PANK1: variants seen among roughly 807,000 people sequenced by gnomAD.
PANK1 encodes the protein pantothenate kinase 1.
A neutral mutation model predicts 40.1 loss-of-function variants in PANK1; 18 were observed. That is an observed-to-expected ratio of 0.45 (90% CI 0.31 to 0.67). PANK1 has a LOEUF of 0.67. Among genes scored for constraint, PANK1 ranks in the 30% least tolerant of loss-of-function variants. The pLI, the probability that PANK1 is intolerant of heterozygous loss-of-function variation, is 0.06. For missense variants in PANK1, 457 were observed against 599.6 expected, an observed-to-expected ratio of 0.76 and a Z score of 2.48; for synonymous variants, 242 against 237.7, an observed-to-expected ratio of 1.02 and a Z score of -0.17.
At chr10:89,584,703 T>C (rs11185768) in intron 6 of PANK1, among the ~76,000 whole-genome samples, 19,861 of 152,214 alleles carry the variant, frequency 0.13, 1,535 homozygotes, top group Middle Eastern at 0.19. Context: ...GCTAAGTGTG[T>C]GCCAGGGTTG....
chr10:89,583,552 T>C lies in PANK1; in HGVS notation c.*854A>G, dbSNP rs1844099554. 6.6e-6 allele frequency: 1 copy of C among 152,198 alleles called. No homozygotes were observed. The highest frequency in any genetic ancestry group is 2.1e-4 in the South Asian group (1 of 4,836). The allele number at this position is 152,198 out of a possible 1,614,324, so 9.4% of individuals were successfully genotyped here. ...CTGCCATTCATATTCTGTGCATGGATGAGGACATTTAATCACAGACTATTT... is the reference window on the plus strand; with the variant it reads ...CTGCCATTCATATTCTGTGCATGGACGAGGACATTTAATCACAGACTATTT... On this transcript the variant is annotated 3_prime_UTR_variant, in exon 7 of 7. Transcript: ENST00000307534.
intron 1 of PANK1, among the ~76,000 whole-genome samples, chr10:89,643,143 C>T (rs924403431): frequency 1.3e-5 from 2 of 152,154 alleles, no homozygotes; most frequent in African/African-American, 4.8e-5. Flanking sequence ...TAGAAGCTCC[C>T]TTTCATTATA....
chr10:89,635,822 A>G (rs1841787763), intron 1 of PANK1, among the ~76,000 whole-genome samples: 1 of 152,224 alleles, frequency 6.6e-6, no homozygotes, highest in Non-Finnish European at 1.5e-5. Context: ...AGACATTCCC[A>G]TTCCAAAAGA....
At position 89,593,203 on chromosome 10, in the gene PANK1, C is replaced by T; in HGVS notation, c.1194G>A (p.Leu398=). ...NIGSIARMCA[L]NENIDRVVFV... ...GGGTTGAGTAAGGCCTTACCTCATT[C>T]AACGCGCACATCCGAGCAATGGAGC... Residue 398 remains leucine, a synonymous_variant, in exon 5 of 7, where the codon TTG becomes TTA. Coordinates refer to ENST00000307534, the MANE Select transcript of PANK1 (RefSeq NM_148977.3). 5 of 1,613,686 alleles carry T rather than the reference C, an allele frequency of 3.1e-6. No individual in the cohort carries two copies. In the South Asian group the frequency reaches 4.4e-5, roughly 14 times the overall value.
In PANK1 at chr10:89,595,833, A is replaced by AATATAT. The variant is rs369831755; in HGVS notation, c.900-1850_900-1845dup. Among the ~76,000 whole-genome samples the AATATAT allele has an allele frequency of 6.1e-3, 206 of 33,690 alleles. 3 individuals carry two copies. The highest frequency in any genetic ancestry group is 7.3e-3 in the Non-Finnish European group (152 of 20,748). 22.1% of individuals were successfully genotyped at this position (33,690 alleles called of 152,430 possible). ...CTCCATCTTAAAAAAAAAAAAAAAA[A>AATATAT]ATATATATATATATATATATATATA... On this transcript the variant is annotated intron_variant, in intron 3 of 6. Coordinates refer to ENST00000307534, the MANE Select transcript of PANK1 (RefSeq NM_148977.3).
At chr10:89,624,372 T>C (rs1280316377) in intron 1 of PANK1, among the ~76,000 whole-genome samples, 2 of 152,218 alleles carry the variant, frequency 1.3e-5, no homozygotes, top group Non-Finnish European at 2.9e-5. Flanking sequence ...TATTAATACA[T>C]TCATCTTTAC....
At chr10:89,581,937 T>G (rs917973138), downstream of PANK1, 3 of 152,210 alleles carry the variant, frequency 2.0e-5, no homozygotes, top group African/African-American at 7.2e-5. Context: ...ATACGGAGAT[T>G]GGTGAAACAT....
intron 3 of PANK1, among the ~76,000 whole-genome samples, chr10:89,596,511 A>G (rs1844612467): frequency 6.6e-6 from 1 of 152,224 alleles, no homozygotes; most frequent in African/African-American, 2.4e-5. Context: ...TGCACTGCAG[A>G]TAGGAGGAAA....
At chr10:89,598,799 A>T (rs1408042039) in intron 3 of PANK1, among the ~76,000 whole-genome samples, 4 of 152,176 alleles carry the variant, frequency 2.6e-5, no homozygotes, top group Non-Finnish European at 5.9e-5. Flanking sequence ...CTGAGGGTAA[A>T]AAAACATTCT....
At chr10:89,604,851 T>C (rs1004237307) in intron 2 of PANK1, among the ~76,000 whole-genome samples, 2 of 151,878 alleles carry the variant, frequency 1.3e-5, no homozygotes, top group Non-Finnish European at 2.9e-5. Context: ...CCCAGGTTCA[T>C]GCCATTCTCC....
rs117596800 is a variant in PANK1 at position 89,629,172 on chromosome 10, T to A, written c.292+15428A>T. Among the ~76,000 whole-genome samples the A allele has an allele frequency of 7.5e-4, 115 of 152,362 alleles. 2 individuals carry two copies. The East Asian group carries it at 0.018, about 23-fold the overall frequency. On this transcript the variant is annotated intron_variant, in intron 1 of 6. Transcript: ENST00000307534. Reference sequence around the variant, plus strand: ...ACAGGAAGTACTCTCAAGTGTAAGATGCATGAGCACCTCTGACTTTATCTA... The same window carrying A: ...ACAGGAAGTACTCTCAAGTGTAAGAAGCATGAGCACCTCTGACTTTATCTA...
intron 1 of PANK1, among the ~76,000 whole-genome samples, chr10:89,642,275 T>C (rs544381725): frequency 6.6e-6 from 1 of 152,380 alleles, no homozygotes; most frequent in South Asian, 2.1e-4. Flanking sequence ...ACATGAAGTA[T>C]TTTAATGTGT....
At chr10:89,619,037 G>T (rs1363244698) in intron 1 of PANK1, among the ~76,000 whole-genome samples, 1 of 152,180 alleles carries the variant, frequency 6.6e-6, no homozygotes, top group Non-Finnish European at 1.5e-5. Flanking sequence ...CTCTCTAGCA[G>T]AACTATATAT....
chr10:89,581,114 A>C (rs889818845), downstream of PANK1: 10 of 150,984 alleles, frequency 6.6e-5, no homozygotes, highest in African/African-American at 2.2e-4. Context: ...TGAATGAATA[A>C]ATGATTGAAT....
intron 1 of PANK1, among the ~76,000 whole-genome samples, chr10:89,640,102 C>T (rs1841928502): frequency 6.6e-6 from 1 of 152,220 alleles, no homozygotes; most frequent in Non-Finnish European, 1.5e-5. Context: ...GGTTGCTTTA[C>T]TTCTTTGAGC....
chr10:89,591,437 G>C (rs1844384011), intron 5 of PANK1, among the ~76,000 whole-genome samples: 1 of 152,178 alleles, frequency 6.6e-6, no homozygotes, highest in African/African-American at 2.4e-5. Flanking sequence ...AGCATCTCAA[G>C]AATCACAGCA....
chr10:89,581,301 CAA>C (rs1294094342), downstream of PANK1: 19 of 152,338 alleles, frequency 1.2e-4, no homozygotes, highest in East Asian at 3.5e-3. Context: ...TTGTTCCCAA[CAA>C]AGAGACTCTG....
chr10:89,584,936 G>A (rs892831050), intron 6 of PANK1, among the ~76,000 whole-genome samples: 2 of 152,086 alleles, frequency 1.3e-5, no homozygotes, highest in Non-Finnish European at 2.9e-5. Flanking sequence ...ATTAGTCCAA[G>A]CCTTACTTTG....
chr10:89,596,334 T>C (rs890581305), intron 3 of PANK1, among the ~76,000 whole-genome samples: 2 of 152,296 alleles, frequency 1.3e-5, no homozygotes, highest in Middle Eastern at 6.8e-3. Context: ...ACTCCAAAGG[T>C]AGGCAACTGA....
Sources: gnomAD v4.1 joint callset for allele counts (sites outside exome capture counted in the v4.1 genomes callset) on GRCh38, gnomAD v4.1.1 for gene constraint, MANE v1.5 for transcripts, NCBI Gene and HGNC (gene_info 2026-07-23, HGNC 2026-07-21) for gene names.